The following HDAC9 variants were observed in gnomAD, a reference collection of about 807,000 sequenced individuals.
HDAC9 encodes the protein histone deacetylase 9.
HDAC9 carries 41 observed loss-of-function variants against 139.4 expected under a neutral mutation model. The ratio of observed to expected loss-of-function variants is 0.29; its 90% confidence interval spans 0.23 to 0.38. The LOEUF (loss-of-function observed/expected upper bound fraction) is 0.38. Ranked by LOEUF, HDAC9 falls within the 10% of genes least tolerant of loss-of-function variation. The pLI, the probability that HDAC9 is intolerant of heterozygous loss-of-function variation, is 1.00. For synonymous variants in HDAC9, 517 were observed against 476.2 expected (o/e 1.09, Z -1.12); for missense variants, 1,147 against 1,297.0 (o/e 0.88, Z 1.78).
chr7:18,857,415 T>C (rs545133367), intron 21 of HDAC9, among the ~76,000 whole-genome samples: 20 of 151,742 alleles, frequency 1.3e-4, no homozygotes, highest in African/African-American at 4.8e-4. Flanking sequence ...TTGTTTGTTG[T>C]GGTTTGAGAA....
chr7:18,845,970 C>A (rs570140057), intron 21 of HDAC9, among the ~76,000 whole-genome samples: 1 of 152,132 alleles, frequency 6.6e-6, no homozygotes, highest in Admixed American at 6.6e-5. Flanking sequence ...GGCAGTGAAG[C>A]CCCTGTGTCA....
chr7:18,676,098 A>G (rs1294823154), intron 12 of HDAC9, among the ~76,000 whole-genome samples: 1 of 152,018 alleles, frequency 6.6e-6, no homozygotes, highest in Admixed American at 6.6e-5. Context: ...TCACCCTATT[A>G]TCAGCACCAA....
At chr7:18,728,219 G>T (rs936566227) in intron 13 of HDAC9, among the ~76,000 whole-genome samples, 1 of 151,998 alleles carries the variant, frequency 6.6e-6, no homozygotes, top group African/African-American at 2.4e-5. Flanking sequence ...GGATTCTATA[G>T]TACCAAAGCA....
intron 21 of HDAC9, among the ~76,000 whole-genome samples, chr7:18,840,431 C>T (rs1261401379): frequency 6.6e-6 from 1 of 151,976 alleles, no homozygotes; most frequent in Non-Finnish European, 1.5e-5. Flanking sequence ...CTGAGGTTGT[C>T]AGTATGCCAA....
At chr7:18,445,653 G>A (rs919810862) in intron 1 of HDAC9, among the ~76,000 whole-genome samples, 3 of 152,194 alleles carry the variant, frequency 2.0e-5, no homozygotes, top group African/African-American at 7.2e-5. Context: ...TCTCCTGTAT[G>A]TTATAACCAG....
chr7:18,130,509 A>T (rs79333926), intron 1 of HDAC9, among the ~76,000 whole-genome samples: 2 of 152,068 alleles, frequency 1.3e-5, no homozygotes, highest in Non-Finnish European at 2.9e-5. Flanking sequence ...TAACAGCTTT[A>T]TTGAGATATA....
At chr7:18,435,652 C>T (rs1313211701) in intron 1 of HDAC9, among the ~76,000 whole-genome samples, 1 of 150,944 alleles carries the variant, frequency 6.6e-6, no homozygotes, top group Non-Finnish European at 1.5e-5. Flanking sequence ...AGGTAAATTG[C>T]ATGTCTTGGG....
intron 1 of HDAC9, among the ~76,000 whole-genome samples, chr7:18,468,060 T>C (rs1794428745): frequency 6.6e-6 from 1 of 152,222 alleles, no homozygotes; most frequent in African/African-American, 2.4e-5. Context: ...CCTCAAATGA[T>C]GCAGAGGGTA....
In HDAC9 at chr7:18,749,211, A is replaced by G. The variant is rs1441801963; in HGVS notation, c.2043+73A>G. 3 of 1,474,714 alleles carry G rather than the reference A, an allele frequency of 2.0e-6. No individual in the cohort carries two copies. In the African/African-American group the frequency reaches 4.2e-5, roughly 21 times the overall value. The allele number at this position is 1,474,714 out of a possible 1,614,324, so 91.4% of individuals were successfully genotyped here. ...TAAAGAGGCCAGTATTCATTTGGGG[A>G]GTAATAGAAAAATATTAACCATATA... is the stretch of plus-strand genomic sequence containing the variant. On this transcript the variant is annotated intron_variant, in intron 14 of 25. Coordinates refer to ENST00000686413, the MANE Select transcript of HDAC9 (RefSeq NM_178425.4).
intron 22 of HDAC9, among the ~76,000 whole-genome samples, chr7:18,894,418 C>T (rs532178715): frequency 7.2e-5 from 11 of 151,978 alleles, no homozygotes; most frequent in Admixed American, 2.0e-4. Context: ...GGAGGCAAGC[C>T]GTTCAAAGAG....
intron 2 of HDAC9, among the ~76,000 whole-genome samples, chr7:18,181,943 C>A (rs1031595593): frequency 2.0e-5 from 3 of 152,196 alleles, no homozygotes; most frequent in African/African-American, 7.2e-5. Flanking sequence ...GAGATCACAT[C>A]TGGCTCAAGG....
At chr7:18,636,383 A>G (rs954671810) in intron 8 of HDAC9, among the ~76,000 whole-genome samples, 2 of 151,916 alleles carry the variant, frequency 1.3e-5, no homozygotes, top group Non-Finnish European at 2.9e-5. Context: ...CCTTGTGTAG[A>G]TCTGTAGCCC....
At chr7:18,517,179 A>T (rs1432759728) in intron 2 of HDAC9, among the ~76,000 whole-genome samples, 1 of 152,212 alleles carries the variant, frequency 6.6e-6, no homozygotes, top group Non-Finnish European at 1.5e-5. Flanking sequence ...CATATTCAGA[A>T]AGGTTAAGCA....
At chr7:18,258,950 CCTTTTTT>C in intron 2 of HDAC9, among the ~76,000 whole-genome samples, 1 of 113,158 alleles carries the variant, frequency 8.8e-6, no homozygotes, top group Admixed American at 1.1e-4. Flanking sequence ...TTCTTCTTCT[CCTTTTTT>C]TTTTTTTTTT....
chr7:18,996,215 T>A lies in HDAC9; in HGVS notation c.*153T>A. On this transcript the variant is annotated 3_prime_UTR_variant, in exon 26 of 26. Transcript: ENST00000686413. ...ACAAAATTCTGAACAGCAGCTTCACTTGTTCTTTGGATGGACTTGAAAGGG... is the reference window on the plus strand; with the variant it reads ...ACAAAATTCTGAACAGCAGCTTCACATGTTCTTTGGATGGACTTGAAAGGG... 3.6e-6 allele frequency: 2 copies of A among 554,736 alleles called. No individual in the cohort carries two copies. The highest frequency in any genetic ancestry group is 6.2e-5 in the East Asian group (2 of 32,456). 34.4% of individuals were successfully genotyped at this position (554,736 alleles called of 1,614,324 possible).
chr7:18,767,240 T>C, intron 16 of HDAC9, 85 bp downstream of exon 16: 1 of 733,692 alleles, frequency 1.4e-6, no homozygotes, highest in Non-Finnish European at 2.1e-6. Flanking sequence ...AGTTTTAGGG[T>C]TATTTCTCAG....
At chr7:18,745,403 TTTC>T (rs1007861230) in intron 13 of HDAC9, among the ~76,000 whole-genome samples, 3 of 152,130 alleles carry the variant, frequency 2.0e-5, no homozygotes, top group Non-Finnish European at 2.9e-5. Flanking sequence ...CACAATTATT[TTTC>T]TTGGCAGTGG....
chr7:18,866,236 C>G (rs566908607), intron 21 of HDAC9, among the ~76,000 whole-genome samples: 1 of 151,792 alleles, frequency 6.6e-6, no homozygotes, highest in South Asian at 2.1e-4. Context: ...CTATGTCCAC[C>G]TCAGAACGGC....
chr7:18,358,444 A>G (rs1344783046), intron 1 of HDAC9, among the ~76,000 whole-genome samples: 1 of 152,222 alleles, frequency 6.6e-6, no homozygotes, highest in East Asian at 1.9e-4. Flanking sequence ...GGGATATTTA[A>G]AAGTGATTTT....
Sources: gnomAD v4.1 joint callset for allele counts (sites outside exome capture counted in the v4.1 genomes callset) on GRCh38, gnomAD v4.1.1 for gene constraint, MANE v1.5 for transcripts, NCBI Gene and HGNC (gene_info 2026-07-23, HGNC 2026-07-21) for gene names.